TUBGCP2: variants seen among roughly 807,000 people sequenced by gnomAD.
The protein encoded by TUBGCP2 is tubulin gamma complex component 2.
Under a neutral mutation model 92.2 loss-of-function variants are expected in TUBGCP2, and 55 were observed. The observed-to-expected ratio is 0.60, with a 90% CI of 0.48 to 0.75. The LOEUF (loss-of-function observed/expected upper bound fraction) is 0.75. Ranked by LOEUF, TUBGCP2 falls within the 30% of genes least tolerant of loss-of-function variation. The pLI, the probability that TUBGCP2 is intolerant of heterozygous loss-of-function variation, is 0.00. For synonymous variants in TUBGCP2, 533 were observed against 505.2 expected (o/e 1.06, Z -0.74); for missense variants, 1,093 against 1,188.9 (o/e 0.92, Z 1.19).
chr10:133,307,123 AG>A (rs1388716540), intron 1 of TUBGCP2, among the ~76,000 whole-genome samples: 15 of 152,360 alleles, frequency 9.8e-5, no homozygotes, highest in African/African-American at 3.6e-4. Flanking sequence ...CACAGCTCTG[AG>A]GAACATCTAG....
Position 133,279,582 on chromosome 10 carries a change from T to C in TUBGCP2, c.*184A>G. 3.4e-6 allele frequency: 3 copies of C among 883,948 alleles called. No individual in the cohort carries two copies. The highest frequency in any genetic ancestry group is 4.8e-6 in the Non-Finnish European group (3 of 623,604). The allele number at this position is 883,948 out of a possible 1,614,324, so 54.8% of individuals were successfully genotyped here. ...AGCAAATCCAGGGAGACATCCACCCTGCCTGGGCAGCTTCTATAAAACGAA... is the reference window on the plus strand; with the variant it reads ...AGCAAATCCAGGGAGACATCCACCCCGCCTGGGCAGCTTCTATAAAACGAA... On this transcript the variant is annotated 3_prime_UTR_variant, in exon 18 of 18. Transcript: ENST00000252936.
chr10:133,304,117 G>A (rs1174177680), intron 1 of TUBGCP2, among the ~76,000 whole-genome samples: 1 of 152,190 alleles, frequency 6.6e-6, no homozygotes, highest in Non-Finnish European at 1.5e-5. Context: ...TGAGTCACTC[G>A]AGGCCAGGAG....
chr10:133,309,439 T>C (rs1166946707), upstream of TUBGCP2: 4 of 1,612,526 alleles, frequency 2.5e-6, no homozygotes, highest in Non-Finnish European at 3.4e-6. Context: ...ATCATGCAGG[T>C]GGCCGACGTG....
chr10:133,283,963 GT>G lies in TUBGCP2; in HGVS notation c.2063del (p.Asn688ThrfsTer10), dbSNP rs1847062748. On this transcript the variant is annotated frameshift_variant, in exon 14 of 18. Coordinates refer to ENST00000252936, the MANE Select transcript of TUBGCP2 (RefSeq NM_006659.4). LOFTEE classifies it high-confidence loss of function. The part of the protein sequence containing the change: ...GAFTLRQRML[N>X]FVQNIQYYMM... The stretch of plus-strand genomic sequence containing the variant: ...TGTAGTATTGAATATTCTGGACGAA[GT>G]TGAGCATTCGCTGCCGCAGAGTGAA... 1 of 1,614,040 alleles carries G rather than the reference GT, an allele frequency of 6.2e-7. No homozygotes were observed. The highest frequency in any genetic ancestry group is 8.5e-7 in the Non-Finnish European group (1 of 1,180,024).
At chr10:133,294,136 G>T (rs1249201595) in intron 5 of TUBGCP2, among the ~76,000 whole-genome samples, 1 of 152,212 alleles carries the variant, frequency 6.6e-6, no homozygotes, top group Non-Finnish European at 1.5e-5. Context: ...GTTACTCTGG[G>T]ACAAAAAACC....
chr10:133,306,734 G>T, intron 1 of TUBGCP2, among the ~76,000 whole-genome samples: 1 of 152,114 alleles, frequency 6.6e-6, no homozygotes, highest in East Asian at 1.9e-4. Context: ...CTTGCAGTGA[G>T]CCAAGATCAC....
chr10:133,305,004 C>A (rs1329619862), intron 1 of TUBGCP2, among the ~76,000 whole-genome samples: 2 of 152,112 alleles, frequency 1.3e-5, no homozygotes, highest in Non-Finnish European at 2.9e-5. Flanking sequence ...CGCTACTTAG[C>A]AGACCGGGAA....
chr10:133,312,180 G>GTTTCTAGCGTCACCTGTGCCGTCTGCA (rs1848005966), upstream of TUBGCP2: 2 of 1,410,400 alleles, frequency 1.4e-6, no homozygotes, highest in Non-Finnish European at 1.8e-6. Context: ...TGCCGTCTGC[G>GTTTCTAGCGTCACCTGTGCCGTCTGCA]TTTCTAGCGT....
intron 2 of TUBGCP2, 67 bp downstream of exon 2, chr10:133,302,725 C>T: frequency 3.1e-6 from 5 of 1,596,502 alleles, no homozygotes; most frequent in South Asian, 1.1e-5. Context: ...GGTGGGCTCA[C>T]CCTGCACCAC....
intron 5 of TUBGCP2, among the ~76,000 whole-genome samples, chr10:133,294,915 C>G (rs183104993): frequency 6.6e-6 from 1 of 152,234 alleles, no homozygotes; most frequent in Non-Finnish European, 1.5e-5. Context: ...AACCGAGACC[C>G]CAATGTCTAC....
At chr10:133,311,585 A>G, upstream of TUBGCP2, 1 of 766,444 alleles carries the variant, frequency 1.3e-6, no homozygotes, top group South Asian at 1.8e-5. Flanking sequence ...ATAAAATCAG[A>G]CTATGCCAAA....
At chr10:133,302,716 G>A (rs1847701294) in intron 2 of TUBGCP2, 76 bp downstream of exon 2, 1 of 1,579,178 alleles carries the variant, frequency 6.3e-7, no homozygotes, top group African/African-American at 1.4e-5. Context: ...TGACCCAGGG[G>A]TGGGCTCACC....
At chr10:133,301,261 T>G (rs1048633915) in intron 2 of TUBGCP2, among the ~76,000 whole-genome samples, 1 of 152,168 alleles carries the variant, frequency 6.6e-6, no homozygotes, top group East Asian at 1.9e-4. Flanking sequence ...CCTGAGTAGC[T>G]GCATTACTGG....
intron 11 of TUBGCP2, 122 bp downstream of exon 11, chr10:133,288,007 C>G: frequency 7.6e-7 from 1 of 1,322,032 alleles, no homozygotes; most frequent in Non-Finnish European, 1.0e-6. Context: ...GTGAAGGAAA[C>G]AGACCCTGCG....
intron 11 of TUBGCP2, 41 bp downstream of exon 11, chr10:133,288,088 G>C (rs375515598): frequency 7.7e-5 from 122 of 1,587,812 alleles, no homozygotes; most frequent in Non-Finnish European, 1.0e-4. Context: ...GCCCCTCCGA[G>C]GCCTCTGCCA....
At chr10:133,308,048 C>T (rs978362338) in intron 1 of TUBGCP2, among the ~76,000 whole-genome samples, 1 of 152,128 alleles carries the variant, frequency 6.6e-6, no homozygotes, top group Non-Finnish European at 1.5e-5. Flanking sequence ...GAATTTGAGG[C>T]CGCAGCGATC....
chr10:133,311,915 G>A (rs1374130592), upstream of TUBGCP2: 13 of 1,613,160 alleles, frequency 8.1e-6, no homozygotes, highest in Non-Finnish European at 1.0e-5. Flanking sequence ...CTGCACCTGG[G>A]CCGCAGCTCT....
At chr10:133,286,200 CCT>C (rs1289733379) in intron 11 of TUBGCP2, among the ~76,000 whole-genome samples, 2 of 152,102 alleles carry the variant, frequency 1.3e-5, no homozygotes, top group Admixed American at 6.5e-5. Context: ...GAAATGAGCC[CCT>C]GACATCACTT....
At position 133,283,198 on chromosome 10, in the gene TUBGCP2, A is replaced by T; in HGVS notation, c.2169T>A (p.Leu723=). 6.2e-7 allele frequency: 1 copy of T among 1,614,214 alleles called. No individual in the cohort carries two copies. The highest frequency in any genetic ancestry group is 8.5e-7 in the Non-Finnish European group (1 of 1,180,028). The change falls in exon 15 of 18, where the codon CTT becomes CTA. Residue 723 remains leucine (L), a synonymous_variant. Coordinates refer to ENST00000252936, the MANE Select transcript of TUBGCP2 (RefSeq NM_006659.4). ...LKSASNIDDV[L]GHHTGFLDTC... is the part of the protein sequence containing the mutation. ...TGTCCAGGAAGCCTGTGTGGTGGCC[A>T]AGGACGTCGTCAATGTTGGAGGCCT...
Sources: allele counts gnomAD v4.1 joint callset (sites outside exome capture counted in the v4.1 genomes callset), GRCh38; gene constraint gnomAD v4.1.1; transcripts MANE v1.5; gene names NCBI Gene and HGNC (gene_info 2026-07-23, HGNC 2026-07-21).